The following DLGAP1 variants were observed in gnomAD, a reference collection of about 807,000 sequenced individuals.
DLGAP1 encodes disks large-associated protein 1.
A neutral mutation model predicts 90.8 loss-of-function variants in DLGAP1; 11 were observed. The ratio of observed to expected loss-of-function variants is 0.12; its 90% CI spans 0.08 to 0.20. The LOEUF is 0.20. Among genes scored for constraint, DLGAP1 ranks in the 10% least tolerant of loss-of-function variants. The probability of loss-of-function intolerance (pLI) is 1.00; values close to 1 mark genes in which losing one functional copy is unlikely to be tolerated. For synonymous variants in DLGAP1, 558 were observed against 540.7 expected (o/e 1.03, Z -0.44); for missense variants, 1,050 against 1,333.8 (o/e 0.79, Z 3.31).
chr18:3,809,149 G>A (rs1000199496), intron 5 of DLGAP1, among the ~76,000 whole-genome samples: 10 of 152,042 alleles, frequency 6.6e-5, no homozygotes, highest in Non-Finnish European at 2.9e-5. Flanking sequence ...CTGGTTCAGG[G>A]GCTCAGTCTG....
intron 1 of DLGAP1, among the ~76,000 whole-genome samples, chr18:4,410,809 T>C (rs1019924079): frequency 2.0e-5 from 3 of 152,152 alleles, no homozygotes; most frequent in Admixed American, 2.0e-4. Context: ...ACAACATCGA[T>C]GGATCTCACA....
intron 3 of DLGAP1, among the ~76,000 whole-genome samples, chr18:3,925,806 T>C (rs1364330646): frequency 6.6e-6 from 1 of 152,172 alleles, no homozygotes; most frequent in Non-Finnish European, 1.5e-5. Context: ...TTTTGAACAG[T>C]GTTTGACTAT....
intron 2 of DLGAP1, among the ~76,000 whole-genome samples, chr18:4,115,307 TAC>T (rs1313911679): frequency 1.3e-5 from 2 of 151,248 alleles, no homozygotes; most frequent in Admixed American, 1.3e-4. Flanking sequence ...AACCAAAAAA[TAC>T]ATTGTTATAA....
intron 7 of DLGAP1, among the ~76,000 whole-genome samples, chr18:3,583,116 C>T (rs1599363910): frequency 6.6e-6 from 1 of 150,976 alleles, no homozygotes; most frequent in East Asian, 2.0e-4. Flanking sequence ...CCACTTCCCA[C>T]CTTTCTGTCT....
At chr18:4,070,782 G>A (rs777550894) in intron 2 of DLGAP1, among the ~76,000 whole-genome samples, 16 of 151,810 alleles carry the variant, frequency 1.1e-4, no homozygotes, top group Non-Finnish European at 2.1e-4. Context: ...ATTATATGAA[G>A]TAAAAACAAT....
At chr18:3,583,077 G>A (rs2055622333) in intron 7 of DLGAP1, among the ~76,000 whole-genome samples, 1 of 151,558 alleles carries the variant, frequency 6.6e-6, no homozygotes. Flanking sequence ...AGAAGTGCTG[G>A]GATTACAAGC....
intron 3 of DLGAP1, among the ~76,000 whole-genome samples, chr18:3,928,106 G>T (rs1410773513): frequency 6.6e-6 from 1 of 152,122 alleles, no homozygotes; most frequent in Non-Finnish European, 1.5e-5. Flanking sequence ...CACACACACT[G>T]CTATTTCTTT....
At chr18:4,410,353 T>C (rs993979121) in intron 1 of DLGAP1, among the ~76,000 whole-genome samples, 5 of 152,170 alleles carry the variant, frequency 3.3e-5, no homozygotes, top group African/African-American at 1.2e-4. Flanking sequence ...AGATTTTCAA[T>C]ATTAAAATAG....
intron 1 of DLGAP1, among the ~76,000 whole-genome samples, chr18:4,361,263 G>A (rs1048511282): frequency 3.3e-5 from 5 of 151,934 alleles, no homozygotes; most frequent in Admixed American, 6.6e-5. Flanking sequence ...AACACATTGC[G>A]CAGAAAATAA....
At chr18:3,580,811 C>T in intron 8 of DLGAP1, 4 of 1,557,804 alleles carry the variant, frequency 2.6e-6, no homozygotes, top group Non-Finnish European at 3.5e-6. Flanking sequence ...GCGTCTTCCA[C>T]CTGCCGTGCG....
intron 7 of DLGAP1, among the ~76,000 whole-genome samples, chr18:3,686,453 A>G (rs2060706315): frequency 6.6e-6 from 1 of 152,248 alleles, no homozygotes; most frequent in South Asian, 2.1e-4. Context: ...TATGATAATA[A>G]TAAATATTGC....
chr18:3,822,841 A>G (rs1329668191), intron 4 of DLGAP1, among the ~76,000 whole-genome samples: 1 of 152,246 alleles, frequency 6.6e-6, no homozygotes, highest in Non-Finnish European at 1.5e-5. Flanking sequence ...TCGTGATATC[A>G]CATCAAGAAA....
chr18:3,778,838 G>A (rs942780441), intron 5 of DLGAP1, among the ~76,000 whole-genome samples: 3 of 152,060 alleles, frequency 2.0e-5, no homozygotes, highest in African/African-American at 7.3e-5. Context: ...CAGAAAGGGA[G>A]ATCCTGCCCT....
chr18:4,232,341 C>A (rs78457546), intron 1 of DLGAP1, among the ~76,000 whole-genome samples: 6,097 of 152,112 alleles, frequency 0.04, 153 homozygotes, highest in Middle Eastern at 0.054. Flanking sequence ...AGGTATTCTT[C>A]TTTACATAGG....
rs948928433 is a variant in DLGAP1 at position 3,567,672 on chromosome 18, A to G, written c.1966-91T>C. On this transcript the variant is annotated intron_variant, in intron 8 of 12. Transcript: ENST00000315677. ...ACATTTTATGAGAAAAATCTCTAATATGACTGGAATGTTTTGTAATTTATA... is the reference window on the plus strand; with the variant it reads ...ACATTTTATGAGAAAAATCTCTAATGTGACTGGAATGTTTTGTAATTTATA... 9.0e-6 allele frequency: 10 copies of G among 1,116,606 alleles called. No homozygotes were observed. In the East Asian group the frequency reaches 2.4e-4, roughly 26 times the overall value. 69.2% of individuals were successfully genotyped at this position (1,116,606 alleles called of 1,614,324 possible). A position where few individuals can be genotyped will look rare whatever the true frequency, so the allele number is the denominator to read the frequency against.
chr18:4,151,147 T>C (rs538718393), intron 2 of DLGAP1, 33 bp downstream of exon 2: 8 of 152,198 alleles, frequency 5.3e-5, no homozygotes, highest in Admixed American at 2.0e-4. Flanking sequence ...AACTGCTTCC[T>C]ATACAAGTAA....
intron 3 of DLGAP1, among the ~76,000 whole-genome samples, chr18:3,916,295 C>A (rs1458708914): frequency 2.0e-5 from 3 of 152,168 alleles, no homozygotes; most frequent in African/African-American, 7.2e-5. Context: ...ACGGCTTGGG[C>A]TCCCTGCCAT....
chr18:3,746,782 C>A (rs1156597228), intron 5 of DLGAP1, among the ~76,000 whole-genome samples: 1 of 152,160 alleles, frequency 6.6e-6, no homozygotes, highest in Non-Finnish European at 1.5e-5. Context: ...TACATTTACA[C>A]ATTACATTCA....
chr18:4,265,144 C>G (rs1376475440), intron 1 of DLGAP1, among the ~76,000 whole-genome samples: 2 of 130,670 alleles, frequency 1.5e-5, no homozygotes, highest in African/African-American at 3.3e-5. Context: ...TCCTCCCTCC[C>G]TCCCATCCTC....
Sources: gnomAD v4.1 joint callset for allele counts (sites outside exome capture counted in the v4.1 genomes callset) on GRCh38, gnomAD v4.1.1 for gene constraint, MANE v1.5 for transcripts, NCBI Gene and HGNC (gene_info 2026-07-23, HGNC 2026-07-21) for gene names.